The following SORCS2 variants were observed in gnomAD, a reference collection of about 807,000 sequenced individuals.
The protein encoded by SORCS2 is sortilin related VPS10 domain containing receptor 2.
In SORCS2, 100 loss-of-function variants were observed where a neutral mutation model predicts 141.6. The ratio of observed to expected loss-of-function variants is 0.71; its 90% CI spans 0.60 to 0.83. The LOEUF is 0.83. Ranked by LOEUF, SORCS2 falls within the 40% of genes least tolerant of loss-of-function variation. SORCS2 has a pLI of 0.00. For missense variants in SORCS2, 1,646 were observed against 1,560.2 expected, an observed-to-expected ratio of 1.05 and a Z score of -0.93; for synonymous variants, 789 against 676.9, an observed-to-expected ratio of 1.17 and a Z score of -2.57.
Position 7,233,986 on chromosome 4 carries a change from G to A in SORCS2, c.480+40860G>A, listed in dbSNP as rs11723529. On this transcript the variant is annotated intron_variant, in intron 1 of 26. Transcript: ENST00000507866. This position sits in a 1 kb window ranked among gnomAD's most constrained non-coding sequence, Gnocchi z 4.5. ...GGGGGTGGGGGAGGACCGTATCCCC[G>A]AGCCTCTCCAGGGAGCCCATGCATC... 0.25 allele frequency among the ~76,000 whole-genome samples: 38,638 copies of A among 151,956 alleles called. 5,006 individuals carry two copies. The highest frequency in any genetic ancestry group is 0.33 in the Middle Eastern group (96 of 294).
intron 3 of SORCS2, among the ~76,000 whole-genome samples, chr4:7,584,465 C>T (rs1353974576): frequency 1.3e-5 from 2 of 152,342 alleles, no homozygotes; most frequent in African/African-American, 4.8e-5. Context: ...GGAACTTAGA[C>T]ACTCTCTAGT....
At chr4:7,447,631 G>T (rs1017738678) in intron 2 of SORCS2, among the ~76,000 whole-genome samples, 1 of 152,144 alleles carries the variant, frequency 6.6e-6, no homozygotes, top group Non-Finnish European at 1.5e-5. Flanking sequence ...CATGCATTGG[G>T]ACTGTGGACC....
chr4:7,726,838 G>A lies in SORCS2; in HGVS notation c.2804G>A (p.Arg935His), dbSNP rs746615942. Residue 935 changes from arginine (R) to histidine (H), a missense_variant, in exon 21 of 27, where the codon CGT becomes CAT. Transcript: ENST00000507866. ...TTRFSDTGDVRVTVQAACGNS... is the reference protein window; with the variant it reads ...TTRFSDTGDVHVTVQAACGNS... ...CGGTTTTCGGACACGGGCGACGTGC[G>A]TGTGACGGTGCAGGCCGCCTGTGGG... 2.2e-5 allele frequency: 35 copies of A among 1,613,772 alleles called. No individual in the cohort carries two copies. The highest frequency in any genetic ancestry group is 2.0e-4 in the East Asian group (9 of 44,874).
At chr4:7,609,790 G>A (rs1718291219) in intron 3 of SORCS2, among the ~76,000 whole-genome samples, 1 of 152,192 alleles carries the variant, frequency 6.6e-6, no homozygotes, top group Non-Finnish European at 1.5e-5. Flanking sequence ...AAGGGTCTCC[G>A]CTGCGCACTC....
chr4:7,261,302 G>T (rs80261835), intron 1 of SORCS2, among the ~76,000 whole-genome samples: 1,555 of 152,310 alleles, frequency 0.01, 13 homozygotes, highest in African/African-American at 0.03. Flanking sequence ...GGGAAGAGAC[G>T]GGTCTCCCAG....
intron 1 of SORCS2, among the ~76,000 whole-genome samples, chr4:7,337,824 C>T (rs1720085786): frequency 1.3e-5 from 2 of 152,346 alleles, no homozygotes; most frequent in South Asian, 2.1e-4. Context: ...CTGCACCTTC[C>T]CCCTGCCACT....
At chr4:7,542,526 C>A (rs1046795824) in intron 3 of SORCS2, among the ~76,000 whole-genome samples, 18 of 152,112 alleles carry the variant, frequency 1.2e-4, no homozygotes, top group Admixed American at 7.9e-4. Context: ...GAAGGGGAGG[C>A]CTTGGAGCCC....
chr4:7,540,068 C>A, intron 3 of SORCS2, among the ~76,000 whole-genome samples: 1 of 147,136 alleles, frequency 6.8e-6, no homozygotes, highest in Non-Finnish European at 1.5e-5. Context: ...CGTGGAGGCC[C>A]CGCCCCTCCT....
intron 5 of SORCS2, among the ~76,000 whole-genome samples, chr4:7,659,007 A>G (rs1296601541): frequency 3.9e-5 from 6 of 152,294 alleles, no homozygotes; most frequent in African/African-American, 9.6e-5. Context: ...TGTCCATGAG[A>G]GGGACTGGTG....
chr4:7,202,559 T>A (rs1727535935), intron 1 of SORCS2, among the ~76,000 whole-genome samples: 1 of 152,222 alleles, frequency 6.6e-6, no homozygotes, highest in South Asian at 2.1e-4. Flanking sequence ...AGCAGATAAT[T>A]TCCTGCAATG....
chr4:7,484,626 C>T (rs952264529), intron 2 of SORCS2, among the ~76,000 whole-genome samples: 3 of 152,172 alleles, frequency 2.0e-5, no homozygotes, highest in Non-Finnish European at 2.9e-5. Flanking sequence ...CAAGCAATTC[C>T]TCTCCTTTCT....
At position 7,326,726 on chromosome 4, in the gene SORCS2, C is replaced by G. The variant is rs1480101457; in HGVS notation, c.481-69562C>G. Among the ~76,000 whole-genome samples the G allele has an allele frequency of 3.3e-5, 5 of 152,362 alleles. No individual in the cohort carries two copies. The East Asian group carries it at 9.7e-4, about 29-fold the overall frequency. On this transcript the variant is annotated intron_variant, in intron 1 of 26. Coordinates refer to ENST00000507866, the MANE Select transcript of SORCS2 (RefSeq NM_020777.3). ...TCACCCTCTTGTCACCCTCCCAAGC[C>G]TGGGACAGCGGAGAGGCTGGAGGCG...
intron 2 of SORCS2, chr4:7,432,932 C>A: frequency 6.0e-6 from 1 of 167,764 alleles, no homozygotes; most frequent in East Asian, 1.7e-4. Flanking sequence ...CTCCGCTCAC[C>A]CCGGCCATGA....
At chr4:7,331,244 C>T (rs1719637316) in intron 1 of SORCS2, among the ~76,000 whole-genome samples, 1 of 152,064 alleles carries the variant, frequency 6.6e-6, no homozygotes, top group African/African-American at 2.4e-5. Flanking sequence ...GCTCGGCATG[C>T]ACCTCACGTG....
At chr4:7,457,011 C>T (rs1168536739) in intron 2 of SORCS2, among the ~76,000 whole-genome samples, 2 of 152,148 alleles carry the variant, frequency 1.3e-5, no homozygotes, top group African/African-American at 4.8e-5. Flanking sequence ...GAGCCTGACA[C>T]TGGGCATGGT....
chr4:7,471,163 G>T (rs1037343706), intron 2 of SORCS2, among the ~76,000 whole-genome samples: 11 of 152,234 alleles, frequency 7.2e-5, no homozygotes, highest in African/African-American at 2.7e-4. Context: ...GAACAGGTCA[G>T]CGTTGCACCC....
chr4:7,719,304 CTTG>C (rs1726415869), intron 18 of SORCS2, among the ~76,000 whole-genome samples: 1 of 152,262 alleles, frequency 6.6e-6, no homozygotes, highest in Non-Finnish European at 1.5e-5. Flanking sequence ...CAGAGCAGTG[CTTG>C]CCCAGCGCCT....
rs1720634633 is a variant in SORCS2 at position 7,345,972 on chromosome 4, T to C, written c.481-50316T>C. Among the ~76,000 whole-genome samples, 4 of 152,326 alleles carry C rather than the reference T, an allele frequency of 2.6e-5. No homozygotes were observed. The South Asian group carries it at 8.3e-4, about 32-fold the overall frequency. ...CTTCATGCTCAGTCTAGCCAAAAGG[T>C]CTACCATTTCTGTTGATTTTCTCAA... is the stretch of plus-strand genomic sequence containing the variant. On this transcript the variant is annotated intron_variant, in intron 1 of 26. Transcript: ENST00000507866.
chr4:7,323,920 C>T (rs749872632), intron 1 of SORCS2, among the ~76,000 whole-genome samples: 1 of 152,192 alleles, frequency 6.6e-6, no homozygotes, highest in Non-Finnish European at 1.5e-5. Flanking sequence ...GTATACACCA[C>T]ACATCTCATG....
Sources: gnomAD v4.1 joint callset for allele counts (sites outside exome capture counted in the v4.1 genomes callset) on GRCh38, gnomAD v4.1.1 for gene constraint, Gnocchi (gnomAD v3.1) non-coding constraint, MANE v1.5 for transcripts, NCBI Gene and HGNC (gene_info 2026-07-23, HGNC 2026-07-21) for gene names.